POLD3: variants seen among roughly 807,000 people sequenced by gnomAD.
POLD3 encodes the protein DNA polymerase delta 3, accessory subunit.
Under a neutral mutation model 58.2 loss-of-function variants are expected in POLD3, and 19 were observed. That is an observed-to-expected ratio of 0.33 (90% CI 0.23 to 0.48). The LOEUF is 0.48. Among genes scored for constraint, POLD3 ranks in the 20% least tolerant of loss-of-function variants. The pLI, the probability that POLD3 is intolerant of heterozygous loss-of-function variation, is 0.99. For synonymous variants in POLD3, 172 were observed against 193.5 expected, an observed-to-expected ratio of 0.89 and a Z score of 0.92; for missense variants, 504 against 545.5, an observed-to-expected ratio of 0.92 and a Z score of 0.76.
chr11:74,629,571 T>TTTTTC (rs1040565812), intron 9 of POLD3, among the ~76,000 whole-genome samples: 1 of 149,210 alleles, frequency 6.7e-6, no homozygotes, highest in Non-Finnish European at 1.5e-5. Context: ...TATCTAAGAC[T>TTTTTC]TTTTCTTTTC....
At position 74,621,375 on chromosome 11, in the gene POLD3, G is replaced by C. The variant is rs559475932; in HGVS notation, c.733+1286G>C. Among the ~76,000 whole-genome samples the C allele has an allele frequency of 2.6e-5, 4 of 151,836 alleles. No homozygotes were observed. In the East Asian group the frequency reaches 7.8e-4, roughly 30 times the overall value. On this transcript the variant is annotated intron_variant, in intron 7 of 11. Coordinates refer to ENST00000263681, the MANE Select transcript of POLD3 (RefSeq NM_006591.3). Reference sequence around the variant, plus strand: ...TCTAATGCCTGATCTGAGGTGGAACGGTTTCATCCTGAAACCACCGCCCCC... The same window carrying C: ...TCTAATGCCTGATCTGAGGTGGAACCGTTTCATCCTGAAACCACCGCCCCC...
At chr11:74,618,941 C>A (rs1194320758) in intron 6 of POLD3, 137 bp downstream of exon 6, 1 of 698,616 alleles carries the variant, frequency 1.4e-6, no homozygotes, top group Non-Finnish European at 2.3e-6. Flanking sequence ...TAGTTTGAAC[C>A]CTTTAATACT....
At chr11:74,602,110 T>C (rs1043189862) in intron 2 of POLD3, among the ~76,000 whole-genome samples, 1 of 152,000 alleles carries the variant, frequency 6.6e-6, no homozygotes, top group African/African-American at 2.4e-5. Flanking sequence ...CTTTTTTTTT[T>C]CTCCTCCCTT....
intron 8 of POLD3, among the ~76,000 whole-genome samples, chr11:74,625,858 T>A (rs1239362235): frequency 7.9e-6 from 1 of 126,214 alleles, no homozygotes; most frequent in Non-Finnish European, 1.8e-5. Context: ...GGACATGGCA[T>A]AAGTGTGCCT....
intron 6 of POLD3, 99 bp from the exon 7 acceptor site, chr11:74,619,918 C>T: frequency 1.1e-6 from 1 of 872,824 alleles, no homozygotes; most frequent in Non-Finnish European, 1.9e-6. Context: ...GAGACTATAC[C>T]ATCGCAACAG....
At chr11:74,592,983 G>C in intron 1 of POLD3, 1 of 1,351,678 alleles carries the variant, frequency 7.4e-7, no homozygotes, top group Non-Finnish European at 9.5e-7. Context: ...GACCGGGCGC[G>C]GAGGGAGGGC....
At chr11:74,655,410 A>G (rs780463198) in intron 4 of POLD3, among the ~76,000 whole-genome samples, 8 of 152,278 alleles carry the variant, frequency 5.3e-5, no homozygotes, top group Non-Finnish European at 8.8e-5. Context: ...CATAATTGCT[A>G]GACTATATTA....
chr11:74,608,705 G>C (rs1242589811), intron 3 of POLD3, among the ~76,000 whole-genome samples: 1 of 152,168 alleles, frequency 6.6e-6, no homozygotes, highest in Admixed American at 6.5e-5. Context: ...GGTCTATTCA[G>C]ATCTTCTCAT....
chr11:74,637,344 T>C (rs1312116479), intron 11 of POLD3, among the ~76,000 whole-genome samples: 1 of 152,054 alleles, frequency 6.6e-6, no homozygotes, highest in Non-Finnish European at 1.5e-5. Context: ...TAAAATTCTT[T>C]ACGTGTGGAA....
chr11:74,623,606 T>C (rs1002635051), intron 7 of POLD3, among the ~76,000 whole-genome samples: 1 of 152,168 alleles, frequency 6.6e-6, no homozygotes, highest in Non-Finnish European at 1.5e-5. Flanking sequence ...GTGATGAATT[T>C]TATTGTATGT....
At chr11:74,644,797 A>G (rs1479446730), downstream of POLD3, among the ~76,000 whole-genome samples, 3 of 152,068 alleles carry the variant, frequency 2.0e-5, no homozygotes, top group Non-Finnish European at 4.4e-5. Context: ...CCCTGTACCT[A>G]CTTTCTTAAT....
chr11:74,655,086 C>G (rs757707531), intron 4 of POLD3, among the ~76,000 whole-genome samples: 1 of 152,226 alleles, frequency 6.6e-6, no homozygotes, highest in East Asian at 1.9e-4. Context: ...AATGCCGAGG[C>G]AGACTTGTGA....
chr11:74,666,961 A>T (rs911984708), intron 4 of POLD3, among the ~76,000 whole-genome samples: 3 of 28,600 alleles, frequency 1.0e-4, no homozygotes, highest in African/African-American at 2.7e-4. Flanking sequence ...AAAGTTGCTA[A>T]AAAAAAAAAA....
chr11:74,634,750 C>G, intron 10 of POLD3, 55 bp downstream of exon 10: 1 of 961,314 alleles, frequency 1.0e-6, no homozygotes, highest in Non-Finnish European at 1.7e-6. Context: ...TCTTAAGGAC[C>G]TACAACCACT....
intron 5 of POLD3, among the ~76,000 whole-genome samples, chr11:74,614,042 T>C (rs1250371390): frequency 6.6e-6 from 1 of 152,170 alleles, no homozygotes; most frequent in African/African-American, 2.4e-5. Flanking sequence ...AACATGCTTG[T>C]GCAGAACCAT....
At chr11:74,621,745 G>T (rs920575824) in intron 7 of POLD3, among the ~76,000 whole-genome samples, 2 of 152,112 alleles carry the variant, frequency 1.3e-5, no homozygotes, top group African/African-American at 4.8e-5. Context: ...AGCCAGGCAT[G>T]GTGGTACGTG....
At chr11:74,664,151 G>A (rs1355883674) in intron 4 of POLD3, among the ~76,000 whole-genome samples, 1 of 152,200 alleles carries the variant, frequency 6.6e-6, no homozygotes, top group Non-Finnish European at 1.5e-5. Flanking sequence ...TGGTAAGATT[G>A]TAGAATGTAA....
chr11:74,640,421 C>T (rs765017404), intron 11 of POLD3, 143 bp from the exon 12 acceptor site: 26 of 941,476 alleles, frequency 2.8e-5, no homozygotes, highest in Admixed American at 1.7e-4. Context: ...TCTGATCTCC[C>T]AGTGGGAGAA....
At chr11:74,640,213 A>T (rs1012775840) in intron 11 of POLD3, among the ~76,000 whole-genome samples, 3 of 152,232 alleles carry the variant, frequency 2.0e-5, no homozygotes, top group Non-Finnish European at 4.4e-5. Flanking sequence ...TTTAAGATAT[A>T]GACAATTCGG....
Sources: allele counts gnomAD v4.1 joint callset (sites outside exome capture counted in the v4.1 genomes callset), GRCh38; gene constraint gnomAD v4.1.1; transcripts MANE v1.5; gene names NCBI Gene and HGNC (gene_info 2026-07-23, HGNC 2026-07-21).